The following CEP83 variants were observed in gnomAD, a reference collection of about 807,000 sequenced individuals.
CEP83 encodes the protein centrosomal protein 83.
CEP83 carries 70 observed loss-of-function variants against 101.9 expected under a neutral mutation model. That is an observed-to-expected ratio of 0.69 (90% CI 0.57 to 0.84). The LOEUF is 0.84. Ranked by LOEUF, CEP83 falls within the 40% of genes least tolerant of loss-of-function variation. The pLI is 0.00. For missense variants in CEP83, 715 were observed against 787.2 expected, an observed-to-expected ratio of 0.91 and a Z score of 1.10; for synonymous variants, 264 against 267.9, an observed-to-expected ratio of 0.99 and a Z score of 0.14.
chr12:94,383,530 C>T (rs2061965664), intron 6 of CEP83, among the ~76,000 whole-genome samples: 1 of 152,006 alleles, frequency 6.6e-6, no homozygotes, highest in South Asian at 2.1e-4. Flanking sequence ...GAAAAATCAT[C>T]CAAGTTCAAA....
At chr12:94,309,794 C>A (rs1479579962) in intron 16 of CEP83, 124 bp downstream of exon 16, 6 of 527,804 alleles carry the variant, frequency 1.1e-5, no homozygotes, top group Non-Finnish European at 1.9e-5. Context: ...AATGTTTATG[C>A]CATTTTTGTG....
intron 2 of CEP83, among the ~76,000 whole-genome samples, chr12:94,416,610 C>A (rs1307064770): frequency 1.3e-5 from 2 of 150,610 alleles, no homozygotes; most frequent in Non-Finnish European, 3.0e-5. Context: ...CCCATCCACA[C>A]AAGCAAAGAT....
At chr12:94,408,867 G>A (rs2063711606) in intron 4 of CEP83, among the ~76,000 whole-genome samples, 1 of 152,050 alleles carries the variant, frequency 6.6e-6, no homozygotes, top group Non-Finnish European at 1.5e-5. Flanking sequence ...GAGCCACCAT[G>A]CTCAGCCTGA....
the CEP83 span, among the ~76,000 whole-genome samples, chr12:94,275,486 T>G: frequency 8.8e-3 from 1,341 of 152,286 alleles, 19 homozygotes; most frequent in African/African-American, 0.031. Context: ...GAGGCCCGCG[T>G]GCACTTTCCC....
At chr12:94,299,939 T>C in the CEP83 span, among the ~76,000 whole-genome samples, 1 of 152,088 alleles carries the variant, frequency 6.6e-6, no homozygotes, top group African/African-American at 2.4e-5. Flanking sequence ...ACCTTGAAGA[T>C]TATGGCATCT....
the CEP83 span, among the ~76,000 whole-genome samples, chr12:94,278,400 C>CA: frequency 6.6e-6 from 1 of 152,216 alleles, no homozygotes; most frequent in African/African-American, 2.4e-5. Context: ...TGTTCTTAGA[C>CA]AAAGTAAACT....
intron 1 of CEP83, among the ~76,000 whole-genome samples, chr12:94,439,691 T>C (rs1261121639): frequency 6.6e-6 from 1 of 152,100 alleles, no homozygotes; most frequent in Non-Finnish European, 1.5e-5. Flanking sequence ...AATCATTCTA[T>C]GAAGCCAGTA....
chr12:94,402,822 C>T (rs1459408567), intron 5 of CEP83: 1 of 155,616 alleles, frequency 6.4e-6, no homozygotes, highest in East Asian at 1.8e-4. Flanking sequence ...TCGCTTGAAC[C>T]CGAGAGGCGG....
At chr12:94,386,635 A>C (rs1336369937) in intron 6 of CEP83, among the ~76,000 whole-genome samples, 1 of 152,014 alleles carries the variant, frequency 6.6e-6, no homozygotes, top group Non-Finnish European at 1.5e-5. Context: ...TGTGCTGCCT[A>C]TTTTCCAATG....
rs369559006 is a variant in CEP83, at chr12:94,312,949, T to C, written c.1776A>G (p.Lys592=). Residue 592 remains lysine, a synonymous_variant, in exon 15 of 17, where the codon AAA becomes AAG. Coordinates refer to ENST00000397809, the MANE Select transcript of CEP83 (RefSeq NM_016122.3). ...CCTGATTTTCTGTTTCCAATTCTTC[T>C]TTCTTTGCCTCCAAGACTTCTACTT... ...QEKVEVLEAK[K]EELETENQVL... is the part of the protein sequence containing the mutation. The C allele has an allele frequency of 3.5e-5, 56 of 1,590,814 alleles. No individual in the cohort carries two copies. Among genetic ancestry groups the C allele is most frequent in the Non-Finnish European group, 4.3e-5 (50 of 1,163,034 alleles).
chr12:94,290,612 T>C, the CEP83 span, among the ~76,000 whole-genome samples: 1 of 152,236 alleles, frequency 6.6e-6, no homozygotes, highest in Admixed American at 6.5e-5. Context: ...TGAGGACCTC[T>C]TGAGGGCTGG....
chr12:94,365,972 G>A (rs112515830), intron 11 of CEP83, among the ~76,000 whole-genome samples: 3 of 152,036 alleles, frequency 2.0e-5, no homozygotes, highest in Non-Finnish European at 2.9e-5. Context: ...TGGTATTTGT[G>A]AGGAACAAAA....
intron 2 of CEP83, among the ~76,000 whole-genome samples, chr12:94,429,123 T>C (rs554936315): frequency 7.2e-5 from 11 of 152,300 alleles, no homozygotes; most frequent in Admixed American, 2.0e-4. Context: ...AGTTTTTAAA[T>C]TGTAAAACAT....
chr12:94,303,493 G>C (rs1051132576), downstream of CEP83, among the ~76,000 whole-genome samples: 1 of 152,084 alleles, frequency 6.6e-6, no homozygotes, highest in Non-Finnish European at 1.5e-5. Flanking sequence ...AATAATTTTA[G>C]TTCTTTTATG....
intron 14 of CEP83, among the ~76,000 whole-genome samples, chr12:94,329,913 G>A (rs1051410070): frequency 6.6e-6 from 1 of 152,222 alleles, no homozygotes; most frequent in Non-Finnish European, 1.5e-5. Context: ...AGCATTATGA[G>A]AAGATAAAAG....
At chr12:94,384,705 T>C (rs886562545) in intron 6 of CEP83, among the ~76,000 whole-genome samples, 4 of 152,214 alleles carry the variant, frequency 2.6e-5, no homozygotes, top group Admixed American at 2.0e-4. Context: ...TCAGGCTTTC[T>C]TAGTCACTCT....
intron 2 of CEP83, among the ~76,000 whole-genome samples, chr12:94,421,552 C>T (rs922431313): frequency 3.9e-5 from 6 of 152,112 alleles, no homozygotes; most frequent in South Asian, 2.1e-4. Context: ...TCTACTATTT[C>T]TCCTTTATTC....
the CEP83 span, among the ~76,000 whole-genome samples, chr12:94,274,809 T>C: frequency 6.6e-6 from 1 of 152,228 alleles, no homozygotes; most frequent in Non-Finnish European, 1.5e-5. Flanking sequence ...GTGCCATTTA[T>C]TTAACCTCTC....
chr12:94,389,379 T>C (rs987842157), intron 6 of CEP83, among the ~76,000 whole-genome samples: 7 of 152,222 alleles, frequency 4.6e-5, no homozygotes, highest in Admixed American at 3.9e-4. Flanking sequence ...TAATTAAGTA[T>C]CTACTATGTG....
Sources: gnomAD v4.1 joint callset for allele counts (sites outside exome capture counted in the v4.1 genomes callset) on GRCh38, gnomAD v4.1.1 for gene constraint, MANE v1.5 for transcripts, NCBI Gene and HGNC (gene_info 2026-07-23, HGNC 2026-07-21) for gene names.